Variants in SULT1B1 observed in about 807,000 individuals in gnomAD.
The protein encoded by SULT1B1 is sulfotransferase family 1B member 1.
Under a neutral mutation model 34.6 loss-of-function variants are expected in SULT1B1, and 28 were observed. That is an observed-to-expected ratio of 0.81 (90% CI 0.60 to 1.11). The LOEUF (loss-of-function observed/expected upper bound fraction) is 1.11. Among genes scored for constraint, SULT1B1 ranks in the 50% least tolerant of loss-of-function variants. The pLI is 0.00. For synonymous variants in SULT1B1, 147 were observed against 110.2 expected (o/e 1.33, Z -2.09); for missense variants, 374 against 352.2 (o/e 1.06, Z -0.50).
rs182151591 is a variant in SULT1B1, at chr4:69,722,809, A to G, written c.*4279T>C. ...AGTCAAAATACGATAAGCCATAGCTACCTCAGTTGTGGCTCAGAAAGTCTA... is the reference window on the plus strand; with the variant it reads ...AGTCAAAATACGATAAGCCATAGCTGCCTCAGTTGTGGCTCAGAAAGTCTA... On this transcript the variant is annotated 3_prime_UTR_variant, in exon 8 of 8. Transcript: ENST00000310613. 3 of 152,172 alleles carry G rather than the reference A, an allele frequency of 2.0e-5. No homozygotes were observed. The highest frequency in any genetic ancestry group is 4.4e-5 in the Non-Finnish European group (3 of 68,036). The allele number at this position is 152,172 out of a possible 1,614,324, so 9.4% of individuals were successfully genotyped here. A position where few individuals can be genotyped will look rare whatever the true frequency, so the allele number is the denominator to read the frequency against.
chr4:69,756,817 C>T (rs1294895184), intron 1 of SULT1B1, among the ~76,000 whole-genome samples: 1 of 152,122 alleles, frequency 6.6e-6, no homozygotes, highest in Non-Finnish European at 1.5e-5. Context: ...GGAAGAATTC[C>T]TCTTTACTTC....
intron 1 of SULT1B1, among the ~76,000 whole-genome samples, chr4:69,759,027 AC>A (rs1451718220): frequency 6.6e-6 from 1 of 152,238 alleles, no homozygotes; most frequent in African/African-American, 2.4e-5. Context: ...TGAGCAAATG[AC>A]TTTAAACTAC....
intron 4 of SULT1B1, among the ~76,000 whole-genome samples, chr4:69,748,411 T>C (rs1718838855): frequency 6.6e-6 from 1 of 152,180 alleles, no homozygotes; most frequent in South Asian, 2.1e-4. Context: ...AATAGACACA[T>C]CATTAGTCAT....
In SULT1B1 at chr4:69,726,075, T is replaced by C. The variant is rs1717828415; in HGVS notation, c.*1013A>G. 9.1e-6 allele frequency: 1 copy of C among 110,134 alleles called. No individual in the cohort carries two copies. The highest frequency in any genetic ancestry group is 1.8e-5 in the Non-Finnish European group (1 of 54,298). The allele number at this position is 110,134 out of a possible 1,614,324, so 6.8% of individuals were successfully genotyped here. ...ATATATATATATATATATATATATA[T>C]ATATATAAATGTTCCAAGAAAACAT... On this transcript the variant is annotated 3_prime_UTR_variant, in exon 8 of 8. Coordinates refer to ENST00000310613, the MANE Select transcript of SULT1B1 (RefSeq NM_014465.4).
intron 4 of SULT1B1, among the ~76,000 whole-genome samples, chr4:69,742,834 C>T (rs948468112): frequency 1.3e-5 from 2 of 152,234 alleles, no homozygotes; most frequent in African/African-American, 4.8e-5. Context: ...CCCGGCCTGC[C>T]AGCTGCGGTG....
At chr4:69,746,161 C>A (rs532580416) in intron 4 of SULT1B1, among the ~76,000 whole-genome samples, 5 of 152,292 alleles carry the variant, frequency 3.3e-5, no homozygotes, top group African/African-American at 1.2e-4. Flanking sequence ...TTGACCTCGG[C>A]GATCCTCTTT....
At position 69,734,715 on chromosome 4, in the gene SULT1B1, A is replaced by G. The variant is rs1051915470; in HGVS notation, c.376-451T>C. On this transcript the variant is annotated intron_variant, in intron 4 of 7. Transcript: ENST00000310613. ...CGAGAAAAATATTAGGTGCTGATAA[A>G]AATATATAGAAAGGAAAAGAAGGTA... 2.6e-5 allele frequency among the ~76,000 whole-genome samples: 4 copies of G among 152,322 alleles called. No individual in the cohort carries two copies. In the East Asian group the frequency reaches 7.7e-4, roughly 29 times the overall value.
intron 4 of SULT1B1, among the ~76,000 whole-genome samples, chr4:69,745,995 T>A (rs1718733445): frequency 6.6e-6 from 1 of 152,202 alleles, no homozygotes; most frequent in African/African-American, 2.4e-5. Context: ...ACATTCTTGG[T>A]TGGAATTTCC....
Position 69,724,703 on chromosome 4 carries a change from C to G in SULT1B1, c.*2385G>C, listed in dbSNP as rs1717753503. 6.6e-6 allele frequency: 1 copy of G among 152,182 alleles called. No homozygotes were observed. The highest frequency in any genetic ancestry group is 6.6e-5 in the Admixed American group (1 of 15,260). 9.4% of individuals were successfully genotyped at this position (152,182 alleles called of 1,614,324 possible). Reference sequence around the variant, plus strand: ...GACCAATGGAACAGAACAGAGCCCTCAGAAATAATACTACACATCTACAAT... The same window carrying G: ...GACCAATGGAACAGAACAGAGCCCTGAGAAATAATACTACACATCTACAAT... On this transcript the variant is annotated 3_prime_UTR_variant, in exon 8 of 8. Coordinates refer to ENST00000310613, the MANE Select transcript of SULT1B1 (RefSeq NM_014465.4).
intron 3 of SULT1B1, among the ~76,000 whole-genome samples, chr4:69,752,866 C>T (rs1018689688): frequency 6.6e-6 from 1 of 152,220 alleles, no homozygotes; most frequent in Admixed American, 6.5e-5. Context: ...TCAAGCTTCA[C>T]TTCTTGAATA....
At chr4:69,736,564 T>C (rs113564983) in intron 4 of SULT1B1, among the ~76,000 whole-genome samples, 2 of 151,726 alleles carry the variant, frequency 1.3e-5, no homozygotes, top group Non-Finnish European at 2.9e-5. Flanking sequence ...CACAAATATA[T>C]ATATACATAT....
rs2110013361 is a variant in SULT1B1 at position 69,723,388 on chromosome 4, T to G, written c.*3700A>C. 1 of 152,208 alleles carries G rather than the reference T, an allele frequency of 6.6e-6. No homozygotes were observed. 9.4% of individuals were successfully genotyped at this position (152,208 alleles called of 1,614,324 possible). ...TGAAATAGAGGCAATAATTAATAGC[T>G]TACCAACCAAAAGAAGTCCAGGACC... is the stretch of plus-strand genomic sequence containing the variant. On this transcript the variant is annotated 3_prime_UTR_variant, in exon 8 of 8. Transcript: ENST00000310613.
At chr4:69,747,335 CA>C (rs1311976766) in intron 4 of SULT1B1, among the ~76,000 whole-genome samples, 2 of 152,074 alleles carry the variant, frequency 1.3e-5, no homozygotes, top group African/African-American at 4.8e-5. Context: ...TATGCAAAAG[CA>C]AAAAACTGGG....
chr4:69,738,341 A>G (rs977353997), intron 4 of SULT1B1, among the ~76,000 whole-genome samples: 55 of 152,230 alleles, frequency 3.6e-4, no homozygotes, highest in African/African-American at 1.3e-3. Context: ...AGGAAAGAGG[A>G]TTAACTGACT....
chr4:69,735,751 A>G (rs1578051577), intron 4 of SULT1B1, among the ~76,000 whole-genome samples: 2 of 152,354 alleles, frequency 1.3e-5, no homozygotes, highest in South Asian at 2.1e-4. Flanking sequence ...ACAAAGATTT[A>G]AAGTAGCTAT....
chr4:69,751,282 A>C (rs2110029876), intron 3 of SULT1B1, among the ~76,000 whole-genome samples: 1 of 152,324 alleles, frequency 6.6e-6, no homozygotes, highest in Middle Eastern at 3.4e-3. Context: ...AGTTTTTCTC[A>C]CATCTGTTGT....
At chr4:69,737,346 A>C (rs995036081) in intron 4 of SULT1B1, among the ~76,000 whole-genome samples, 1 of 152,210 alleles carries the variant, frequency 6.6e-6, no homozygotes, top group African/African-American at 2.4e-5. Flanking sequence ...GAAATAGCTA[A>C]GGGAAGTTCT....
intron 4 of SULT1B1, among the ~76,000 whole-genome samples, chr4:69,743,640 G>T (rs921617657): frequency 6.6e-6 from 1 of 152,164 alleles, no homozygotes; most frequent in African/African-American, 2.4e-5. Context: ...GGCCAGCTTC[G>T]ACCTGCCCTC....
At chr4:69,747,628 C>T (rs1204133304) in intron 4 of SULT1B1, among the ~76,000 whole-genome samples, 1 of 152,222 alleles carries the variant, frequency 6.6e-6, no homozygotes, top group Non-Finnish European at 1.5e-5. Context: ...TCCACTGCAG[C>T]TATTCCTGCA....
Sources: gnomAD v4.1 joint callset for allele counts (sites outside exome capture counted in the v4.1 genomes callset) on GRCh38, gnomAD v4.1.1 for gene constraint, MANE v1.5 for transcripts, NCBI Gene and HGNC (gene_info 2026-07-23, HGNC 2026-07-21) for gene names.